NOD1: variants seen among roughly 807,000 people sequenced by gnomAD.
NOD1 encodes nucleotide binding oligomerization domain containing 1, also known as nucleotide-binding oligomerization domain-containing protein 1.
Under a neutral mutation model 81.2 loss-of-function variants are expected in NOD1, and 70 were observed. The observed-to-expected ratio is 0.86, with a 90% CI of 0.71 to 1.05. The LOEUF (loss-of-function observed/expected upper bound fraction) is 1.05. Among genes scored for constraint, NOD1 ranks in the 50% least tolerant of loss-of-function variants. The pLI is 0.00. For synonymous variants in NOD1, 508 were observed against 526.9 expected, an observed-to-expected ratio of 0.96 and a Z score of 0.49; for missense variants, 1,233 against 1,228.0, an observed-to-expected ratio of 1.00 and a Z score of -0.06.
At chr7:30,476,387 A>G (rs1220830599) in intron 1 of NOD1, among the ~76,000 whole-genome samples, 13 of 152,208 alleles carry the variant, frequency 8.5e-5, no homozygotes, top group Non-Finnish European at 7.3e-5. Flanking sequence ...AGCACGTACC[A>G]GGGTAAAGTT....
At chr7:30,449,497 T>A (rs1302850378) in intron 6 of NOD1, among the ~76,000 whole-genome samples, 2 of 152,210 alleles carry the variant, frequency 1.3e-5, no homozygotes, top group African/African-American at 4.8e-5. Flanking sequence ...TTGCCCTTCC[T>A]TCTTACTGAT....
chr7:30,429,102 G>C (rs1295181852), intron 13 of NOD1, among the ~76,000 whole-genome samples: 1 of 152,210 alleles, frequency 6.6e-6, no homozygotes, highest in Admixed American at 6.5e-5. Context: ...ACCCAATGAA[G>C]GTAGATGAGG....
chr7:30,462,873 C>T (rs1396632335), intron 1 of NOD1, among the ~76,000 whole-genome samples: 5 of 149,614 alleles, frequency 3.3e-5, no homozygotes, highest in East Asian at 3.9e-4. Flanking sequence ...TGGTTGAATC[C>T]GGGAGGCGGA....
rs376391083 is a variant in NOD1 at position 30,467,227 on chromosome 7, G to T, written c.-351-7186C>A. 6.6e-6 allele frequency among the ~76,000 whole-genome samples: 1 copy of T among 152,122 alleles called. No homozygotes were observed. Among genetic ancestry groups the T allele is most frequent in the African/African-American group, 2.4e-5 (1 of 41,408 alleles). The stretch of plus-strand genomic sequence containing the variant: ...CACTCCACGTTCTCTATAGGCATAC[G>T]CCCGTGAATGTAAATGCAAAGAAAA... On this transcript the variant is annotated intron_variant, in intron 1 of 13. Transcript: ENST00000222823. This position sits in a 1 kb window ranked among gnomAD's most constrained non-coding sequence, Gnocchi z 4.5.
chr7:30,436,546 C>T (rs559957395), intron 10 of NOD1, among the ~76,000 whole-genome samples: 87 of 151,990 alleles, frequency 5.7e-4, no homozygotes, highest in Non-Finnish European at 1.0e-3. Context: ...ATTTGGCCAG[C>T]AGCCTAAGCG....
At chr7:30,458,356 A>G (rs1263092647) in intron 3 of NOD1, among the ~76,000 whole-genome samples, 2 of 150,942 alleles carry the variant, frequency 1.3e-5, no homozygotes, top group South Asian at 2.1e-4. Context: ...AAACTCATGC[A>G]TTTCAGAGAG....
chr7:30,428,670 TG>T (rs1783676429), intron 13 of NOD1: 1 of 152,100 alleles, frequency 6.6e-6, no homozygotes, highest in South Asian at 2.1e-4. Context: ...AGCTGTTTTT[TG>T]TTTTTTTTTA....
chr7:30,471,768 G>A (rs899706455), intron 1 of NOD1, among the ~76,000 whole-genome samples: 8 of 152,150 alleles, frequency 5.3e-5, no homozygotes, highest in Admixed American at 1.3e-4. Context: ...TCCACTCTTC[G>A]GGGTCTTTTG....
chr7:30,471,383 G>GGCACTGCAACCTCATGACCGCT (rs1788261042), intron 1 of NOD1, among the ~76,000 whole-genome samples: 2 of 152,178 alleles, frequency 1.3e-5, no homozygotes, highest in East Asian at 3.9e-4. Context: ...CAACACATCT[G>GGCACTGCAACCTCATGACCGCT]GCACTGCAAC....
At position 30,452,954 on chromosome 7, in the gene NOD1, G is replaced by A. The variant is rs773144490; in HGVS notation, c.463C>T (p.Leu155=). The A allele has an allele frequency of 3.2e-5, 51 of 1,612,886 alleles. No homozygotes were observed. Among genetic ancestry groups the A allele is most frequent in the Non-Finnish European group, 4.2e-5 (49 of 1,179,656 alleles). The change falls in exon 6 of 14, where the codon CTG becomes TTG. Residue 155 remains leucine (L), a synonymous_variant. Transcript: ENST00000222823. ...LCYAQKEELL[L]EEIYMDTIME... ...ATGGTGTCCATGTAGATCTCCTCCA[G>A]CAGCAGCTCCTCCTTCTGGGCATAG...
In NOD1 at chr7:30,455,151, A is replaced by C. The variant is rs758643711; in HGVS notation, c.362T>G (p.Val121Gly). 6.2e-7 allele frequency: 1 copy of C among 1,613,970 alleles called. No individual in the cohort carries two copies. Residue 121 changes from valine to glycine, a missense_variant, in exon 5 of 14, where the codon GTC (valine) becomes GGC (glycine). By Grantham distance (109) the Val-to-Gly change is moderately radical. Transcript: ENST00000222823. ...CTGACTCCTACCTGGGTCAGTGTTG[A>C]CCACGACTTTGCTCTGAGTGAGCAG... ...PSLLTQSKVVVNTDPVSRYTQ... is the reference protein window; with the variant it reads ...PSLLTQSKVVGNTDPVSRYTQ...
chr7:30,451,792 C>T lies in NOD1; in HGVS notation c.1625G>A (p.Arg542Lys), dbSNP rs1785748055. ...AGGGGGCATCCACTCCTGGAAGAAC[C>T]TGAGCAGCTCCTGAGTGCCCACCCT... ...DDRVGTQELL[R>K]FFQEWMPPAG... The change falls in exon 6 of 14, where the codon AGG becomes AAG. Residue 542 changes from arginine (R) to lysine (K), a missense_variant. By Grantham distance (26) the Arg-to-Lys change is conservative (BLOSUM62 2). Coordinates refer to ENST00000222823, the MANE Select transcript of NOD1 (RefSeq NM_006092.4). The surrounding 1 kb of genome is among the most constrained non-coding windows in gnomAD (Gnocchi z 4.2). The T allele has an allele frequency of 2.5e-6, 4 of 1,613,704 alleles. No homozygotes were observed. The highest frequency in any genetic ancestry group is 1.1e-5 in the South Asian group (1 of 91,086).
chr7:30,445,756 CAAAAAAA>C (rs35669955), intron 9 of NOD1, among the ~76,000 whole-genome samples: 15 of 36,080 alleles, frequency 4.2e-4, no homozygotes, highest in South Asian at 1.2e-3. Context: ...GAGACTCTGT[CAAAAAAA>C]AAAAAAAAAA....
At position 30,468,973 on chromosome 7, in the gene NOD1, T is replaced by C. The variant is rs1052805216; in HGVS notation, c.-351-8932A>G. On this transcript the variant is annotated intron_variant, in intron 1 of 13. Transcript: ENST00000222823. Reference sequence around the variant, plus strand: ...ACAGCAAGCTGGGTGGATGAAGCCATGCCAACAGCATCTGGCAGGAGCCAG... The same window carrying C: ...ACAGCAAGCTGGGTGGATGAAGCCACGCCAACAGCATCTGGCAGGAGCCAG... 1.2e-5 allele frequency: 12 copies of C among 985,346 alleles called. No individual in the cohort carries two copies. The African/African-American group carries it at 2.1e-4, about 17-fold the overall frequency. 61.0% of individuals were successfully genotyped at this position (985,346 alleles called of 1,614,324 possible). A position where few individuals can be genotyped will look rare whatever the true frequency, so the allele number is the denominator to read the frequency against.
rs1562645587 is a variant in NOD1, at chr7:30,425,621, A to G, written c.*17T>C. Reference sequence around the variant, plus strand: ...GAGGCTCCAGGGCAAAAACCCCATGAACAGGAAAGCATCCTCTCAGAAACA... The same window carrying G: ...GAGGCTCCAGGGCAAAAACCCCATGGACAGGAAAGCATCCTCTCAGAAACA... On this transcript the variant is annotated 3_prime_UTR_variant, in exon 14 of 14. Coordinates refer to ENST00000222823, the MANE Select transcript of NOD1 (RefSeq NM_006092.4). The G allele has an allele frequency of 1.2e-6, 2 of 1,605,370 alleles. No homozygotes were observed. The highest frequency in any genetic ancestry group is 8.5e-7 in the Non-Finnish European group (1 of 1,171,976).
Position 30,451,888 on chromosome 7 carries a change from T to C in NOD1, c.1529A>G (p.Gln510Arg), listed in dbSNP as rs980909221. Residue 510 changes from glutamine to arginine, a missense_variant, in exon 6 of 14, where the codon CAG (glutamine) becomes CGG (arginine). By Grantham distance (43) the Gln-to-Arg change is conservative. Coordinates refer to ENST00000222823, the MANE Select transcript of NOD1 (RefSeq NM_006092.4). This position sits in a 1 kb window ranked among gnomAD's most constrained non-coding sequence, Gnocchi z 4.2. ...GAGGTGGAAAAACTCATAGGACTGC[T>C]GGTCACCCCCGGGGCCCAGCTCCGG... ...ALPELGPGGDQQSYEFFHLTL... is the reference protein window; with the variant it reads ...ALPELGPGGDRQSYEFFHLTL... 1 of 1,613,524 alleles carries C rather than the reference T, an allele frequency of 6.2e-7. No homozygotes were observed. The highest frequency in any genetic ancestry group is 1.3e-5 in the African/African-American group (1 of 74,914).
At position 30,426,315 on chromosome 7, in the gene NOD1, T is replaced by A. The variant is rs539758471; in HGVS notation, c.2790-605A>T. Among the ~76,000 whole-genome samples the A allele has an allele frequency of 7.9e-4, 120 of 152,002 alleles. 3 individuals carry two copies. The South Asian group carries it at 1.0e-2, about 13-fold the overall frequency. On this transcript the variant is annotated intron_variant, in intron 13 of 13. Coordinates refer to ENST00000222823, the MANE Select transcript of NOD1 (RefSeq NM_006092.4). Reference sequence around the variant, plus strand: ...TCCCCTGGCTTAGTGAATGGACCACTCTCATCCTGCTGAGCAGGTTAGTAA... The same window carrying A: ...TCCCCTGGCTTAGTGAATGGACCACACTCATCCTGCTGAGCAGGTTAGTAA...
At chr7:30,434,939 G>T (rs80318409) in intron 11 of NOD1, among the ~76,000 whole-genome samples, 4 of 144,828 alleles carry the variant, frequency 2.8e-5, no homozygotes, top group African/African-American at 1.0e-4. Flanking sequence ...TGTAAGGAAT[G>T]TTTTTTTTTT....
chr7:30,437,766 T>C (rs971537945), intron 9 of NOD1, 110 bp from the exon 10 acceptor site: 2 of 689,946 alleles, frequency 2.9e-6, no homozygotes, highest in Non-Finnish European at 4.7e-6. Context: ...AGGCAGATGT[T>C]TGTGCCCAGT....
Sources: allele counts gnomAD v4.1 joint callset (sites outside exome capture counted in the v4.1 genomes callset), GRCh38; gene constraint gnomAD v4.1.1; non-coding constraint Gnocchi (gnomAD v3.1); transcripts MANE v1.5; gene names NCBI Gene and HGNC (gene_info 2026-07-23, HGNC 2026-07-21).